ARHGAP15: variants seen among roughly 807,000 people sequenced by gnomAD.
ARHGAP15 encodes the protein Rho GTPase activating protein 15.
ARHGAP15 carries 51 observed loss-of-function variants against 63.7 expected under a neutral mutation model. That is an observed-to-expected ratio of 0.80 (90% CI 0.64 to 1.01). The LOEUF (loss-of-function observed/expected upper bound fraction) is 1.01. Ranked by LOEUF, ARHGAP15 falls within the 50% of genes least tolerant of loss-of-function variation. The pLI is 0.00. For synonymous variants in ARHGAP15, 191 were observed against 193.8 expected (o/e 0.99, Z 0.12); for missense variants, 560 against 564.6 (o/e 0.99, Z 0.08).
intron 6 of ARHGAP15, among the ~76,000 whole-genome samples, chr2:143,362,240 T>C (rs931643297): frequency 6.6e-6 from 1 of 152,194 alleles, no homozygotes; most frequent in African/African-American, 2.4e-5. Flanking sequence ...TTTCCCTGTG[T>C]CTCCCATTAG....
chr2:143,310,294 C>T (rs1022135953), intron 6 of ARHGAP15, among the ~76,000 whole-genome samples: 1 of 151,872 alleles, frequency 6.6e-6, no homozygotes, highest in Non-Finnish European at 1.5e-5. Context: ...GACATTTTTG[C>T]AAGAAAGATG....
intron 10 of ARHGAP15, among the ~76,000 whole-genome samples, chr2:143,542,744 A>G (rs920712409): frequency 4.3e-5 from 4 of 92,796 alleles, no homozygotes; most frequent in Non-Finnish European, 8.3e-5. Flanking sequence ...TAATATATAT[A>G]TGATATATAT....
intron 12 of ARHGAP15, among the ~76,000 whole-genome samples, chr2:143,664,825 G>A (rs891579683): frequency 6.6e-6 from 1 of 152,188 alleles, no homozygotes; most frequent in Non-Finnish European, 1.5e-5. Context: ...AGAAGAAATG[G>A]ATAAATTCCT....
chr2:143,508,491 C>T (rs573391514), intron 9 of ARHGAP15, among the ~76,000 whole-genome samples: 3 of 152,230 alleles, frequency 2.0e-5, no homozygotes, highest in Non-Finnish European at 4.4e-5. Context: ...TTCACTACTC[C>T]ATCCCCAGTG....
chr2:143,250,491 CTTCA>C lies in ARHGAP15; in HGVS notation c.385-17_385-14del, dbSNP rs554778491. The C allele has an allele frequency of 3.5e-4, 563 of 1,601,858 alleles. 8 individuals are homozygous for C. In the South Asian group the frequency reaches 5.5e-3, roughly 16 times the overall value. The stretch of plus-strand genomic sequence containing the variant: ...ACAGTGTTGCATCCTCTTATTCTTA[CTTCA>C]TTTTTGTGATTACAGAAAACTGGGC... On this transcript the variant is annotated splice_polypyrimidine_tract_variant and intron_variant, in intron 5 of 13. Transcript: ENST00000295095.
rs376862753 is a variant in ARHGAP15 at position 143,503,721 on chromosome 2, G to C, written c.827-15545G>C. Among the ~76,000 whole-genome samples the C allele has an allele frequency of 3.0e-4, 45 of 152,284 alleles. 1 individual carries two copies. The South Asian group carries it at 8.9e-3, about 30-fold the overall frequency. ...ACAGTTAGCATTTTGAACACTCTGT[G>C]TGCCTAGACTGTGATTATAACTTTT... On this transcript the variant is annotated intron_variant, in intron 9 of 13. Transcript: ENST00000295095.
intron 2 of ARHGAP15, among the ~76,000 whole-genome samples, chr2:143,170,478 C>A (rs1690728948): frequency 6.6e-6 from 1 of 152,058 alleles, no homozygotes; most frequent in Non-Finnish European, 1.5e-5. Flanking sequence ...TTAAAGATAC[C>A]TGATACCAAC....
chr2:143,378,253 G>C (rs909996657), intron 6 of ARHGAP15, among the ~76,000 whole-genome samples: 2 of 151,964 alleles, frequency 1.3e-5, no homozygotes, highest in Non-Finnish European at 2.9e-5. Flanking sequence ...TAACTTGTAG[G>C]TGGTTAGAAA....
rs188977918 is a variant in ARHGAP15 at position 143,599,445 on chromosome 2, C to T, written c.1004-24688C>T. ...CATTTATCACAAAAATTAATCTGAGCATAAGCAATGGGCAATGTGAGTGTT... is the reference window on the plus strand; with the variant it reads ...CATTTATCACAAAAATTAATCTGAGTATAAGCAATGGGCAATGTGAGTGTT... On this transcript the variant is annotated intron_variant, in intron 11 of 13. Transcript: ENST00000295095. Among the ~76,000 whole-genome samples the T allele has an allele frequency of 2.0e-3, 302 of 152,098 alleles. 2 individuals carry two copies. Among genetic ancestry groups the T allele is most frequent in the African/African-American group, 7.2e-3 (299 of 41,504 alleles).
chr2:143,559,745 G>A (rs114375785), intron 11 of ARHGAP15, among the ~76,000 whole-genome samples: 9,407 of 152,236 alleles, frequency 0.062, 401 homozygotes, highest in Non-Finnish European at 0.092. Flanking sequence ...AAGTGTACAT[G>A]TGGCCCTCTG....
chr2:143,374,435 T>C (rs1574352951), intron 6 of ARHGAP15, among the ~76,000 whole-genome samples: 1 of 151,984 alleles, frequency 6.6e-6, no homozygotes, highest in African/African-American at 2.4e-5. Flanking sequence ...CTTTGGACAA[T>C]AAGAGTAATT....
chr2:143,622,807 A>G (rs1285089611), intron 11 of ARHGAP15, among the ~76,000 whole-genome samples: 1 of 107,238 alleles, frequency 9.3e-6, no homozygotes, highest in African/African-American at 3.0e-5. Flanking sequence ...AAAAAAAAAA[A>G]GAACTGCTGA....
intron 12 of ARHGAP15, among the ~76,000 whole-genome samples, chr2:143,642,195 GT>G (rs1024042563): frequency 2.6e-5 from 4 of 152,122 alleles, no homozygotes; most frequent in Non-Finnish European, 5.9e-5. Flanking sequence ...GATTATACAG[GT>G]TTTTTTCTCT....
At chr2:143,551,718 G>A (rs1475804784) in intron 10 of ARHGAP15, among the ~76,000 whole-genome samples, 2 of 152,126 alleles carry the variant, frequency 1.3e-5, no homozygotes, top group Non-Finnish European at 2.9e-5. Context: ...TTAGGAAATA[G>A]CAAGGCTATT....
At chr2:143,499,171 C>A (rs559007472) in intron 9 of ARHGAP15, among the ~76,000 whole-genome samples, 2 of 152,174 alleles carry the variant, frequency 1.3e-5, no homozygotes, top group Non-Finnish European at 2.9e-5. Flanking sequence ...TATTGCTCTT[C>A]TTAAAAATGC....
intron 13 of ARHGAP15, among the ~76,000 whole-genome samples, chr2:143,720,803 C>T (rs922414741): frequency 2.0e-5 from 3 of 152,122 alleles, no homozygotes; most frequent in Non-Finnish European, 2.9e-5. Flanking sequence ...GGCACGGTGG[C>T]TCACGCCTGT....
chr2:143,739,267 A>C (rs1351953732), intron 13 of ARHGAP15, among the ~76,000 whole-genome samples: 1 of 152,164 alleles, frequency 6.6e-6, no homozygotes, highest in African/African-American at 2.4e-5. Flanking sequence ...GAGGGAATCA[A>C]GCTCCCTAGC....
rs528458582 is a variant in ARHGAP15, at chr2:143,412,996, C to T, written c.475-22605C>T. ...TATTTTATTGGTTATTTCCAATTAGCTGCCAAAACTTTTCATCTTACTTAT... is the reference window on the plus strand; with the variant it reads ...TATTTTATTGGTTATTTCCAATTAGTTGCCAAAACTTTTCATCTTACTTAT... On this transcript the variant is annotated intron_variant, in intron 6 of 13. Transcript: ENST00000295095. Among the ~76,000 whole-genome samples the T allele has an allele frequency of 1.5e-4, 23 of 152,186 alleles. No individual in the cohort carries two copies. The South Asian group carries it at 2.5e-3, about 16-fold the overall frequency.
At chr2:143,524,628 G>A (rs1694187839) in intron 10 of ARHGAP15, among the ~76,000 whole-genome samples, 1 of 152,150 alleles carries the variant, frequency 6.6e-6, no homozygotes, top group Non-Finnish European at 1.5e-5. Context: ...TTCCTCTACT[G>A]TTAGGAGAAG....
Sources: gnomAD v4.1 joint callset for allele counts (sites outside exome capture counted in the v4.1 genomes callset) on GRCh38, gnomAD v4.1.1 for gene constraint, MANE v1.5 for transcripts, NCBI Gene and HGNC (gene_info 2026-07-23, HGNC 2026-07-21) for gene names.